The following ITGA2 variants were observed in gnomAD, a reference collection of about 807,000 sequenced individuals.
ITGA2 encodes the protein integrin subunit alpha 2.
A neutral mutation model predicts 146.3 loss-of-function variants in ITGA2; 101 were observed. The ratio of observed to expected loss-of-function variants is 0.69; its 90% confidence interval spans 0.59 to 0.81. The LOEUF is 0.81. Ranked by LOEUF, ITGA2 falls within the 40% of genes least tolerant of loss-of-function variation. The pLI is 0.00. For synonymous variants in ITGA2, 477 were observed against 487.1 expected, an observed-to-expected ratio of 0.98 and a Z score of 0.27; for missense variants, 1,281 against 1,402.7, an observed-to-expected ratio of 0.91 and a Z score of 1.39.
chr5:53,003,944 G>A (rs1741705455), intron 1 of ITGA2, among the ~76,000 whole-genome samples: 1 of 152,008 alleles, frequency 6.6e-6, no homozygotes, highest in African/African-American at 2.4e-5. Context: ...GACCATGCGA[G>A]GCCCCATTTG....
intron 1 of ITGA2, among the ~76,000 whole-genome samples, chr5:53,000,907 T>TTTTTTTTTTTTTTTTTTTG (rs1561278994): frequency 6.9e-6 from 1 of 145,298 alleles, no homozygotes; most frequent in Non-Finnish European, 1.5e-5. Context: ...GTTTTTTTTT[T>TTTTTTTTTTTTTTTTTTTG]TTTTTTTTTT....
rs537542782 is a variant in ITGA2, at chr5:53,055,159, T to TA, written c.780-377dup. 3.3e-5 allele frequency among the ~76,000 whole-genome samples: 5 copies of TA among 152,172 alleles called. No individual in the cohort carries two copies. The East Asian group carries it at 9.7e-4, about 29-fold the overall frequency. ...TGGATATCTATTACTTTTAAAAAAATAAGTATTGATAAAGTAAACACAAGA... is the reference window on the plus strand; with the variant it reads ...TGGATATCTATTACTTTTAAAAAAATAAAGTATTGATAAAGTAAACACAAGA... On this transcript the variant is annotated intron_variant, in intron 7 of 29. Transcript: ENST00000296585.
chr5:52,998,704 C>G (rs918472947), intron 1 of ITGA2, among the ~76,000 whole-genome samples: 4 of 152,156 alleles, frequency 2.6e-5, no homozygotes, highest in African/African-American at 7.2e-5. Context: ...ATAACCCTTT[C>G]AGAACTTGGC....
intron 27 of ITGA2, 138 bp from the exon 28 acceptor site, chr5:53,086,814 C>G (rs552566852): frequency 5.0e-5 from 36 of 722,778 alleles, no homozygotes; most frequent in Non-Finnish European, 7.6e-5. Flanking sequence ...TAAGCACACA[C>G]AGATTCTGGA....
chr5:53,058,226 G>A (rs192464295), intron 10 of ITGA2, 125 bp downstream of exon 10: 9 of 754,888 alleles, frequency 1.2e-5, no homozygotes, highest in South Asian at 5.8e-5. Flanking sequence ...CCTAGTCACG[G>A]TCATTTAGTT....
At chr5:53,065,367 A>G (rs1283269466) in intron 14 of ITGA2, among the ~76,000 whole-genome samples, 1 of 151,950 alleles carries the variant, frequency 6.6e-6, no homozygotes, top group Admixed American at 6.6e-5. Context: ...AAATAAAAAG[A>G]AAGAAGTAGA....
chr5:53,089,236 T>C (rs997131360), intron 28 of ITGA2: 6 of 152,240 alleles, frequency 3.9e-5, no homozygotes, highest in African/African-American at 1.4e-4. Context: ...AATACAGCTC[T>C]TTAGGAATAT....
intron 1 of ITGA2, among the ~76,000 whole-genome samples, chr5:53,010,823 C>T (rs1742087265): frequency 6.6e-6 from 1 of 152,100 alleles, no homozygotes; most frequent in African/African-American, 2.4e-5. Flanking sequence ...GGGGTCTTTA[C>T]AGATGTGGTG....
At chr5:53,020,716 C>G (rs532526304) in intron 1 of ITGA2, among the ~76,000 whole-genome samples, 1 of 151,218 alleles carries the variant, frequency 6.6e-6, no homozygotes, top group South Asian at 2.1e-4. Context: ...GAGTTTCACT[C>G]TGTCACCCAG....
intron 20 of ITGA2, among the ~76,000 whole-genome samples, chr5:53,073,955 A>C (rs917686356): frequency 5.3e-5 from 8 of 151,360 alleles, no homozygotes; most frequent in Admixed American, 3.9e-4. Flanking sequence ...AAAAAAAAAA[A>C]AAAAAAAAAA....
rs1202382722 is a variant in ITGA2 at position 53,059,856 on chromosome 5, A to C, written c.1174-18A>C. The C allele has an allele frequency of 2.5e-6, 4 of 1,610,482 alleles. No individual in the cohort carries two copies. Among genetic ancestry groups the C allele is most frequent in the Non-Finnish European group, 3.4e-6 (4 of 1,177,864 alleles). On this transcript the variant is annotated intron_variant, in intron 10 of 29. Coordinates refer to ENST00000296585, the MANE Select transcript of ITGA2 (RefSeq NM_002203.4). ...AAGGTGATTTGTTTCAATGATCTTC[A>C]TTTTTCAATTATTTTAGGATATTCT...
chr5:53,034,193 AC>A (rs1743375218), intron 2 of ITGA2, among the ~76,000 whole-genome samples: 1 of 151,940 alleles, frequency 6.6e-6, no homozygotes, highest in Non-Finnish European at 1.5e-5. Context: ...ATATTCTTAC[AC>A]TTTTATTTTA....
chr5:53,017,325 T>C (rs1742438776), intron 1 of ITGA2, among the ~76,000 whole-genome samples: 1 of 152,226 alleles, frequency 6.6e-6, no homozygotes, highest in Non-Finnish European at 1.5e-5. Context: ...GAACTGGCAT[T>C]GTCTCTGTAA....
At chr5:53,054,884 A>G (rs936097717) in intron 7 of ITGA2, among the ~76,000 whole-genome samples, 16 of 152,000 alleles carry the variant, frequency 1.1e-4, no homozygotes, top group African/African-American at 3.9e-4. Flanking sequence ...CCACTAAAGA[A>G]CTTATTTATA....
Position 53,051,509 on chromosome 5 carries a change from C to G in ITGA2, c.729C>G (p.Ser243=). The change falls in exon 7 of 30, where the codon TCC becomes TCG. Residue 243 remains serine, a synonymous_variant. Coordinates refer to ENST00000296585, the MANE Select transcript of ITGA2 (RefSeq NM_002203.4). The part of the protein sequence containing the change: ...EEMIVATSQT[S]QYGGDLTNTF... ...TGATTGTAGCAACATCCCAGACATC[C>G]CAATATGGTGGGGACCTCACAAACA... 6.2e-7 allele frequency: 1 copy of G among 1,613,472 alleles called. No homozygotes were observed. The highest frequency in any genetic ancestry group is 8.5e-7 in the Non-Finnish European group (1 of 1,179,724).
Position 53,062,935 on chromosome 5 carries a change from A to G in ITGA2, c.1602+6A>G. 1 of 1,604,360 alleles carries G rather than the reference A, an allele frequency of 6.2e-7. No individual in the cohort carries two copies. Among genetic ancestry groups the G allele is most frequent in the Non-Finnish European group, 8.5e-7 (1 of 1,173,802 alleles). ...ACCTGTTTACTATCAAAGAGGTAAA[A>G]AAAAAAAAATAAACTAATAGTTTAA... On this transcript the variant is annotated splice_donor_region_variant and intron_variant, in intron 13 of 29. Coordinates refer to ENST00000296585, the MANE Select transcript of ITGA2 (RefSeq NM_002203.4).
chr5:53,013,803 T>C (rs1033644722), intron 1 of ITGA2, among the ~76,000 whole-genome samples: 1 of 152,094 alleles, frequency 6.6e-6, no homozygotes, highest in Non-Finnish European at 1.5e-5. Flanking sequence ...TATCAGTCTC[T>C]GTAGAGATCT....
At chr5:52,998,325 GT>G (rs1461417476) in intron 1 of ITGA2, among the ~76,000 whole-genome samples, 26 of 152,042 alleles carry the variant, frequency 1.7e-4, no homozygotes, top group African/African-American at 6.0e-4. Context: ...GTGGTGGCAG[GT>G]TCCTGTAATC....
At chr5:53,065,595 T>A (rs575614019) in intron 14 of ITGA2, among the ~76,000 whole-genome samples, 1 of 151,990 alleles carries the variant, frequency 6.6e-6, no homozygotes, top group Admixed American at 6.6e-5. Context: ...AGTCCACTGA[T>A]CTTTTCACTG....
Sources: allele counts gnomAD v4.1 joint callset (sites outside exome capture counted in the v4.1 genomes callset), GRCh38; gene constraint gnomAD v4.1.1; transcripts MANE v1.5; gene names NCBI Gene and HGNC (gene_info 2026-07-23, HGNC 2026-07-21).